The following CSMD1 variants were observed in gnomAD, a reference collection of about 807,000 sequenced individuals.
CSMD1 encodes the protein CUB and sushi domain-containing protein 1.
CSMD1 carries 213 observed loss-of-function variants against 417.5 expected under a neutral mutation model. The ratio of observed to expected loss-of-function variants is 0.51; its 90% CI spans 0.46 to 0.57. CSMD1 has a LOEUF of 0.57. Among genes scored for constraint, CSMD1 ranks in the 20% least tolerant of loss-of-function variants. The pLI is 0.00. For missense variants in CSMD1, 6,923 were observed against 4,529.7 expected, an observed-to-expected ratio of 1.53 and a Z score of -15.17; for synonymous variants, 2,862 against 1,736.8, an observed-to-expected ratio of 1.65 and a Z score of -16.11.
At chr8:4,356,935 A>C (rs1801464609) in intron 3 of CSMD1, among the ~76,000 whole-genome samples, 1 of 152,216 alleles carries the variant, frequency 6.6e-6, no homozygotes, top group Non-Finnish European at 1.5e-5. Context: ...TTTAAATGTC[A>C]ATATGTGAAA....
At chr8:4,159,094 T>C (rs1796999366) in intron 3 of CSMD1, among the ~76,000 whole-genome samples, 1 of 152,052 alleles carries the variant, frequency 6.6e-6, no homozygotes, top group Non-Finnish European at 1.5e-5. Context: ...TTTTGTATTT[T>C]TAGTAGAGAC....
At chr8:4,508,493 C>A (rs1289883709) in intron 2 of CSMD1, among the ~76,000 whole-genome samples, 1 of 152,112 alleles carries the variant, frequency 6.6e-6, no homozygotes, top group Non-Finnish European at 1.5e-5. Context: ...GTAGTATTTT[C>A]TTTCTTTTTA....
intron 8 of CSMD1, among the ~76,000 whole-genome samples, chr8:3,614,910 G>A (rs1241722421): frequency 1.3e-5 from 2 of 150,802 alleles, no homozygotes; most frequent in Admixed American, 6.6e-5. Context: ...GAAGGAAAGG[G>A]AAGGGAAGCA....
intron 38 of CSMD1, among the ~76,000 whole-genome samples, chr8:3,160,097 A>T (rs1305845479): frequency 1.3e-5 from 2 of 152,088 alleles, no homozygotes; most frequent in Non-Finnish European, 2.9e-5. Context: ...TCTAAATGAG[A>T]TCCTTGAGAT....
chr8:4,031,984 C>G lies in CSMD1; in HGVS notation c.531G>C (p.Leu177Phe). Residue 177 changes from leucine to phenylalanine, a missense_variant, in exon 4 of 70, where the codon TTG becomes TTC. Physicochemically the swap from Leu to Phe is conservative, Grantham distance 22. Transcript: ENST00000635120. The part of the protein sequence containing the change: ...IRYSCLPGYI[L>F]EGHAILTCIV... ...TGCAGGTCAGGATGGCGTGGCCTTCCAAGATGTAGCCAGGGAGGCAGCTGT... is the reference window on the plus strand; with the variant it reads ...TGCAGGTCAGGATGGCGTGGCCTTCGAAGATGTAGCCAGGGAGGCAGCTGT... 6.2e-7 allele frequency: 1 copy of G among 1,613,882 alleles called. No homozygotes were observed. Among genetic ancestry groups the G allele is most frequent in the Non-Finnish European group, 8.5e-7 (1 of 1,179,880 alleles).
intron 42 of CSMD1, among the ~76,000 whole-genome samples, chr8:3,112,732 A>G (rs1816595488): frequency 6.6e-6 from 1 of 152,212 alleles, no homozygotes; most frequent in Non-Finnish European, 1.5e-5. Context: ...TATTAAGCAA[A>G]CACTACAGAA....
intron 5 of CSMD1, among the ~76,000 whole-genome samples, chr8:3,865,978 G>A (rs187014225): frequency 1.3e-5 from 2 of 152,140 alleles, no homozygotes; most frequent in Admixed American, 6.5e-5. Context: ...AAAGTGAAAG[G>A]AATTTCACCA....
chr8:4,329,540 G>A (rs1374232458), intron 3 of CSMD1, among the ~76,000 whole-genome samples: 2 of 152,066 alleles, frequency 1.3e-5, no homozygotes, highest in Admixed American at 6.6e-5. Flanking sequence ...TGTCTTCCTT[G>A]GCCTCCCAAA....
chr8:4,628,904 G>C (rs983976266), intron 2 of CSMD1, among the ~76,000 whole-genome samples: 3 of 152,118 alleles, frequency 2.0e-5, no homozygotes, highest in Admixed American at 6.5e-5. Flanking sequence ...TATTAAAAGA[G>C]AATAAAACCT....
intron 1 of CSMD1, among the ~76,000 whole-genome samples, chr8:4,828,467 C>T (rs887312693): frequency 1.3e-5 from 2 of 152,074 alleles, no homozygotes; most frequent in African/African-American, 4.8e-5. Context: ...ATTCAGGGAG[C>T]TTCTGCTGTT....
intron 1 of CSMD1, among the ~76,000 whole-genome samples, chr8:4,922,158 T>A (rs1238454177): frequency 1.3e-5 from 2 of 151,978 alleles, no homozygotes; most frequent in African/African-American, 4.8e-5. Flanking sequence ...CAGAGTAAAT[T>A]CTAGAAGGGG....
intron 6 of CSMD1, among the ~76,000 whole-genome samples, chr8:3,737,445 C>G (rs1206517342): frequency 1.3e-5 from 2 of 152,156 alleles, no homozygotes; most frequent in African/African-American, 4.8e-5. Context: ...ATTAAAGTTA[C>G]AGAAAAATTA....
At chr8:3,902,561 C>A (rs1584937852) in intron 5 of CSMD1, among the ~76,000 whole-genome samples, 2 of 152,204 alleles carry the variant, frequency 1.3e-5, no homozygotes, top group Admixed American at 6.5e-5. Flanking sequence ...ACATCCATTG[C>A]ATGCTCAGTT....
intron 5 of CSMD1, among the ~76,000 whole-genome samples, chr8:3,848,741 T>A (rs1368381726): frequency 2.0e-5 from 3 of 152,124 alleles, no homozygotes; most frequent in East Asian, 3.9e-4. Flanking sequence ...TAGGTGGTCC[T>A]GAACTACATG....
At chr8:4,794,012 G>C (rs971208179) in intron 1 of CSMD1, among the ~76,000 whole-genome samples, 2 of 152,104 alleles carry the variant, frequency 1.3e-5, no homozygotes, top group African/African-American at 4.8e-5. Flanking sequence ...CATTTTAAAA[G>C]CAGTTTCTTA....
chr8:3,621,531 T>G (rs536953288), intron 7 of CSMD1, among the ~76,000 whole-genome samples: 2 of 152,248 alleles, frequency 1.3e-5, no homozygotes, highest in South Asian at 4.2e-4. Flanking sequence ...TGGTGATGGA[T>G]GTACAATAGC....
At chr8:2,991,011 T>A (rs1806338824) in intron 54 of CSMD1, among the ~76,000 whole-genome samples, 1 of 152,194 alleles carries the variant, frequency 6.6e-6, no homozygotes. Context: ...ATATTAGCAA[T>A]AGGAATTGAC....
intron 11 of CSMD1, among the ~76,000 whole-genome samples, chr8:3,470,787 T>C (rs1006367462): frequency 6.6e-6 from 1 of 152,216 alleles, no homozygotes; most frequent in Non-Finnish European, 1.5e-5. Context: ...TTTAACAACC[T>C]GGGATTGGAT....
At chr8:3,936,408 A>G (rs1185606732) in intron 5 of CSMD1, among the ~76,000 whole-genome samples, 1 of 152,174 alleles carries the variant, frequency 6.6e-6, no homozygotes, top group East Asian at 1.9e-4. Context: ...ACTAGCTTTA[A>G]AGCTTCAGAA....
Sources: gnomAD v4.1 joint callset for allele counts (sites outside exome capture counted in the v4.1 genomes callset) on GRCh38, gnomAD v4.1.1 for gene constraint, MANE v1.5 for transcripts, NCBI Gene and HGNC (gene_info 2026-07-23, HGNC 2026-07-21) for gene names.